GAA: variants seen among roughly 807,000 people sequenced by gnomAD.
The protein encoded by GAA is alpha glucosidase, also known as lysosomal alpha-glucosidase.
Under a neutral mutation model 103.9 loss-of-function variants are expected in GAA, and 88 were observed. The observed-to-expected ratio is 0.85, with a 90% CI of 0.71 to 1.01. GAA has a LOEUF of 1.01. Ranked by LOEUF, GAA falls within the 50% of genes least tolerant of loss-of-function variation. The pLI is 0.00. For missense variants in GAA, 1,350 were observed against 1,305.3 expected (o/e 1.03, Z -0.53); for synonymous variants, 572 against 563.1 (o/e 1.02, Z -0.22).
Position 80,104,740 on chromosome 17 carries a change from ACT to A in GAA, c.156_157del (p.His53ProfsTer42), listed in dbSNP as rs1027029347. On this transcript the variant is annotated frameshift_variant, in exon 2 of 20. Transcript: ENST00000302262. LOFTEE classifies it high-confidence loss of function. This position sits in a 1 kb window ranked among gnomAD's most constrained non-coding sequence, Gnocchi z 4.0. ...TGGCTCCTCCCCAGTCCTGGAGGAGACTCACCCAGCTCACCAGCAGGGAGCCA... is the reference window on the plus strand; with the variant it reads ...TGGCTCCTCCCCAGTCCTGGAGGAGACACCCAGCTCACCAGCAGGGAGCCA... Reference protein sequence around the residue: ...LSGSSPVLEETHPAHQQGASR... With the variant: ...LSGSSPVLEEXHPAHQQGASR... 1 of 1,610,816 alleles carries A rather than the reference ACT, an allele frequency of 6.2e-7. No homozygotes were observed. Among genetic ancestry groups the A allele is most frequent in the Non-Finnish European group, 8.5e-7 (1 of 1,179,210 alleles).
chr17:80,112,283 C>G lies in GAA; in HGVS notation c.1754+183C>G, dbSNP rs1406566076. The G allele has an allele frequency of 3.2e-5, 22 of 678,906 alleles. No individual in the cohort carries two copies. In the East Asian group the frequency reaches 6.0e-4, roughly 18 times the overall value. 42.1% of individuals were successfully genotyped at this position (678,906 alleles called of 1,614,324 possible). On this transcript the variant is annotated intron_variant, in intron 12 of 19. Transcript: ENST00000302262. ...CAGCCTGAAGCTGGAGCGCTCCTTC[C>G]CACTTCATGCCTGGGGCTTGGAGAG...
intron 9 of GAA, 36 bp downstream of exon 9, chr17:80,110,091 C>T (rs765804801): frequency 1.3e-6 from 2 of 1,529,796 alleles, no homozygotes; most frequent in East Asian, 4.5e-5. Context: ...GGTTAGAAAG[C>T]AGAGGCCTCC....
intron 2 of GAA, 113 bp downstream of exon 2, chr17:80,105,245 T>G: frequency 6.4e-6 from 7 of 1,087,376 alleles, no homozygotes; most frequent in Middle Eastern, 3.1e-4. Context: ...TGCTGGGCCC[T>G]TGCTGGGAGC....
intron 3 of GAA, among the ~76,000 whole-genome samples, 167 bp from the exon 4 acceptor site, chr17:80,107,390 G>A (rs1304518742): frequency 6.6e-6 from 1 of 152,204 alleles, no homozygotes; most frequent in African/African-American, 2.4e-5. Flanking sequence ...GGGTGCCAAG[G>A]GCTGCAGGGC....
intron 15 of GAA, among the ~76,000 whole-genome samples, chr17:80,115,512 T>A (rs192924025): frequency 6.6e-6 from 1 of 152,346 alleles, no homozygotes; most frequent in African/African-American, 2.4e-5. Flanking sequence ...TTCGCTGAGC[T>A]CTTTGAACAC....
intron 14 of GAA, 46 bp from the exon 15 acceptor site, chr17:80,113,172 C>T (rs371599012): frequency 1.2e-5 from 19 of 1,555,382 alleles, no homozygotes; most frequent in South Asian, 9.4e-5. Context: ...CAGGGGACCG[C>T]GGCCCCAGCA....
In GAA at chr17:80,119,542, C is replaced by A; in HGVS notation, c.*211C>A. 1.7e-6 allele frequency: 1 copy of A among 597,474 alleles called. No homozygotes were observed. Among genetic ancestry groups the A allele is most frequent in the Non-Finnish European group, 3.0e-6 (1 of 328,710 alleles). The allele number at this position is 597,474 out of a possible 1,614,324, so 37.0% of individuals were successfully genotyped here. A position where few individuals can be genotyped will look rare whatever the true frequency, so the allele number is the denominator to read the frequency against. On this transcript the variant is annotated 3_prime_UTR_variant, in exon 20 of 20. Coordinates refer to ENST00000302262, the MANE Select transcript of GAA (RefSeq NM_000152.5). Reference sequence around the variant, plus strand: ...GTCTAGGAGAGCTTTCTCCCTAGATCGCACTGTGGGCCGGGGCCCTGGAGG... The same window carrying A: ...GTCTAGGAGAGCTTTCTCCCTAGATAGCACTGTGGGCCGGGGCCCTGGAGG...
intron 15 of GAA, among the ~76,000 whole-genome samples, chr17:80,116,061 T>C (rs942900639): frequency 1.3e-5 from 2 of 152,218 alleles, no homozygotes; most frequent in African/African-American, 4.8e-5. Flanking sequence ...GATGTTCCTG[T>C]TTTCACAGAG....
Position 80,108,563 on chromosome 17 carries a change from A to G in GAA, c.1150A>G (p.Thr384Ala). 1 of 1,612,510 alleles carries G rather than the reference A, an allele frequency of 6.2e-7. No homozygotes were observed. Among genetic ancestry groups the G allele is most frequent in the Non-Finnish European group, 8.5e-7 (1 of 1,179,754 alleles). Reference sequence around the variant, plus strand: ...CTGGGGCTACTCCTCCACCGCTATCACCCGCCAGGTGGTGGAGAACATGAC... The same window carrying G: ...CTGGGGCTACTCCTCCACCGCTATCGCCCGCCAGGTGGTGGAGAACATGAC... ...CRWGYSSTAI[T>A]RQVVENMTRA... Residue 384 changes from threonine to alanine, a missense_variant, in exon 7 of 20, where the codon ACC becomes GCC. Transcript: ENST00000302262.
At chr17:80,110,324 C>T (rs1365567974) in intron 9 of GAA, among the ~76,000 whole-genome samples, 2 of 152,202 alleles carry the variant, frequency 1.3e-5, no homozygotes, top group East Asian at 1.9e-4. Flanking sequence ...CCTTAGGGTC[C>T]TCCTTGTCCT....
chr17:80,104,861 G>A lies in GAA; in HGVS notation c.275G>A (p.Cys92Tyr). The A allele has an allele frequency of 6.2e-7, 1 of 1,612,942 alleles. No individual in the cohort carries two copies. The highest frequency in any genetic ancestry group is 1.1e-5 in the South Asian group (1 of 91,056). The change falls in exon 2 of 20, where the codon TGC becomes TAC. Residue 92 changes from cysteine to tyrosine, a missense_variant. Coordinates refer to ENST00000302262, the MANE Select transcript of GAA (RefSeq NM_000152.5). This position sits in a 1 kb window ranked among gnomAD's most constrained non-coding sequence, Gnocchi z 4.0. ...GTCCCCCCCAACAGCCGCTTCGATT[G>A]CGCCCCTGACAAGGCCATCACCCAG... The part of the protein sequence containing the change: ...CDVPPNSRFD[C>Y]APDKAITQEQ...
chr17:80,118,817 C>T lies in GAA; in HGVS notation c.2799+12C>T, dbSNP rs2039418782. ...GCCCCGACACCAAGGCAAGAGGGCC[C>T]AGAGTGGCACAGGGATCGCGTCCCC... On this transcript the variant is annotated intron_variant, in intron 19 of 19. Coordinates refer to ENST00000302262, the MANE Select transcript of GAA (RefSeq NM_000152.5). 1.2e-6 allele frequency: 2 copies of T among 1,612,584 alleles called. No individual in the cohort carries two copies. Among genetic ancestry groups the T allele is most frequent in the South Asian group, 2.2e-5 (2 of 91,080 alleles).
rs752951057 is a variant in GAA, at chr17:80,108,620, G to A, written c.1194+13G>A. On this transcript the variant is annotated intron_variant, in intron 7 of 19. Coordinates refer to ENST00000302262, the MANE Select transcript of GAA (RefSeq NM_000152.5). ...CCACTTCCCCCTGGTGAGTTGGGGT[G>A]GTGGCAGGGGAGGCAAGGGGCTGGC... 6 of 1,612,738 alleles carry A rather than the reference G, an allele frequency of 3.7e-6. No homozygotes were observed. In the Admixed American group the frequency reaches 1.0e-4, roughly 27 times the overall value.
At chr17:80,117,142 G>T in intron 16 of GAA, 33 bp downstream of exon 16, 1 of 1,607,382 alleles carries the variant, frequency 6.2e-7, no homozygotes, top group South Asian at 1.1e-5. Flanking sequence ...CTGGGGAGAC[G>T]GGAGACCAGA....
chr17:80,112,596 G>A lies in GAA; in HGVS notation c.1773G>A (p.Arg591=). The A allele has an allele frequency of 3.1e-6, 5 of 1,613,010 alleles. No homozygotes were observed. The highest frequency in any genetic ancestry group is 4.2e-6 in the Non-Finnish European group (5 of 1,179,964). The change falls in exon 13 of 20, where the codon CGG becomes CGA. Residue 591 remains arginine (R), a synonymous_variant. Coordinates refer to ENST00000302262, the MANE Select transcript of GAA (RefSeq NM_000152.5). ...IASHRALVKA[R]GTRPFVISRS... ...ACCCCAGGGCGCTGGTGAAGGCTCGGGGGACACGCCCATTTGTGATCTCCC... is the reference window on the plus strand; with the variant it reads ...ACCCCAGGGCGCTGGTGAAGGCTCGAGGGACACGCCCATTTGTGATCTCCC...
intron 12 of GAA, chr17:80,112,305 AGAGGAAGGACCCTGGATGC>A (rs2039255943): frequency 1.5e-6 from 1 of 652,568 alleles, no homozygotes; most frequent in African/African-American, 1.8e-5. Flanking sequence ...TGGGGCTTGG[AGAGGAAGGACCCTGGATGC>A]TGACAGGAGT....
intron 12 of GAA, 144 bp downstream of exon 12, chr17:80,112,244 C>A (rs2304838): frequency 1.3e-6 from 1 of 791,214 alleles, no homozygotes; most frequent in South Asian, 1.4e-5. Context: ...TCTCCCCACC[C>A]GCTGCCTGCA....
At chr17:80,108,445 A>G (rs975343549) in intron 6 of GAA, 36 bp downstream of exon 6, 1 of 1,613,182 alleles carries the variant, frequency 6.2e-7, no homozygotes, top group Non-Finnish European at 8.5e-7. Context: ...CCCCGCCCCA[A>G]GGCTCCCTCC....
rs1567824787 is a variant in GAA at position 80,104,033 on chromosome 17, G to T, written c.-32-522G>T. On this transcript the variant is annotated intron_variant, in intron 1 of 19. Coordinates refer to ENST00000302262, the MANE Select transcript of GAA (RefSeq NM_000152.5). This position sits in a 1 kb window ranked among gnomAD's most constrained non-coding sequence, Gnocchi z 4.0. ...AATCCCAGCACTTCGGAAGGCCAAG[G>T]GGGGTGGATCACTTGAGCTCAGGAG... Among the ~76,000 whole-genome samples, 1 of 152,222 alleles carries T rather than the reference G, an allele frequency of 6.6e-6. No individual in the cohort carries two copies. Among genetic ancestry groups the T allele is most frequent in the South Asian group, 2.1e-4 (1 of 4,830 alleles).
Sources: gnomAD v4.1 joint callset for allele counts (sites outside exome capture counted in the v4.1 genomes callset) on GRCh38, gnomAD v4.1.1 for gene constraint, Gnocchi (gnomAD v3.1) non-coding constraint, MANE v1.5 for transcripts, NCBI Gene and HGNC (gene_info 2026-07-23, HGNC 2026-07-21) for gene names.